The following SLIT2 variants were observed in gnomAD, a reference collection of about 807,000 sequenced individuals.
The protein encoded by SLIT2 is slit homolog 2 protein.
A neutral mutation model predicts 185.7 loss-of-function variants in SLIT2; 41 were observed. That is an observed-to-expected ratio of 0.22 (90% CI 0.17 to 0.29). The LOEUF is 0.29. Among genes scored for constraint, SLIT2 ranks in the 10% least tolerant of loss-of-function variants. The pLI, the probability that SLIT2 is intolerant of heterozygous loss-of-function variation, is 1.00. For synonymous variants in SLIT2, 693 were observed against 680.2 expected (o/e 1.02, Z -0.29); for missense variants, 1,571 against 1,909.0 (o/e 0.82, Z 3.30).
rs529350229 is a variant in SLIT2, at chr4:20,348,005, C to T, written c.395+79124C>T. 2.0e-5 allele frequency among the ~76,000 whole-genome samples: 3 copies of T among 152,302 alleles called. No homozygotes were observed. The South Asian group carries it at 6.2e-4, about 32-fold the overall frequency. On this transcript the variant is annotated intron_variant, in intron 4 of 36. Coordinates refer to ENST00000504154, the MANE Select transcript of SLIT2 (RefSeq NM_004787.4). ...AACACTAGTACTGTTACAATTTAAA[C>T]ATTGAATAAAAGTCTGGATGCTGTT...
chr4:20,283,149 C>A (rs1488161098), intron 4 of SLIT2, among the ~76,000 whole-genome samples: 3 of 151,574 alleles, frequency 2.0e-5, no homozygotes, highest in African/African-American at 7.3e-5. Flanking sequence ...CACACAAAGT[C>A]ATTCAACTAC....
chr4:20,542,510 T>A lies in SLIT2; in HGVS notation c.2160T>A (p.Ser720Arg). 1 of 1,613,696 alleles carries A rather than the reference T, an allele frequency of 6.2e-7. No homozygotes were observed. Among genetic ancestry groups the A allele is most frequent in the Non-Finnish European group, 8.5e-7 (1 of 1,179,724 alleles). The change falls in exon 21 of 37, where the codon AGT becomes AGA. Residue 720 changes from serine (S) to arginine (R), a missense_variant. By Grantham distance (110) the Ser-to-Arg change is moderately radical (BLOSUM62 -1). Transcript: ENST00000504154. ...FTCDDGNDDN[S>R]CSPLSRCPTE... The stretch of plus-strand genomic sequence containing the variant: ...GCGATTTAGGAAATGATGACAATAG[T>A]TGCTCCCCACTTTCTCGCTGTCCTA...
chr4:20,268,149 C>T (rs1186985290), intron 3 of SLIT2, among the ~76,000 whole-genome samples: 1 of 151,850 alleles, frequency 6.6e-6, no homozygotes. Context: ...TTTTCTAAAA[C>T]ATTTAAAACA....
chr4:20,302,100 T>A (rs777859532), intron 4 of SLIT2, among the ~76,000 whole-genome samples: 16 of 152,214 alleles, frequency 1.1e-4, no homozygotes, highest in Non-Finnish European at 1.8e-4. Context: ...GAAACGAAGA[T>A]TAATTTTTTT....
intron 6 of SLIT2, 118 bp downstream of exon 6, chr4:20,480,905 C>A: frequency 1.4e-6 from 1 of 733,646 alleles, no homozygotes; most frequent in Non-Finnish European, 2.4e-6. Context: ...TCAAGAGATA[C>A]CTTAAATAAC....
chr4:20,392,329 G>T (rs1216460923), intron 4 of SLIT2: 3 of 152,098 alleles, frequency 2.0e-5, no homozygotes, highest in South Asian at 2.1e-4. Flanking sequence ...TGGTGTAAAA[G>T]ATTTTTTTAA....
intron 4 of SLIT2, among the ~76,000 whole-genome samples, chr4:20,431,230 A>G (rs1176992966): frequency 6.6e-6 from 1 of 152,164 alleles, no homozygotes; most frequent in Non-Finnish European, 1.5e-5. Context: ...TGCAATAAGG[A>G]GACACTTTTA....
chr4:20,337,339 A>G (rs1030596645), intron 4 of SLIT2, among the ~76,000 whole-genome samples: 6 of 151,990 alleles, frequency 3.9e-5, no homozygotes, highest in Non-Finnish European at 5.9e-5. Flanking sequence ...AAGCCATCAG[A>G]TGTCATGAGA....
Position 20,598,333 on chromosome 4 carries a change from C to T in SLIT2, c.3630C>T (p.Leu1210=). The change falls in exon 33 of 37, where the codon CTC becomes CTT. Residue 1210 remains leucine (L), a synonymous_variant. Transcript: ENST00000504154. The part of the protein sequence containing the change: ...KGDKDHIAVE[L]YRGRVRASYD... ...ACAAAGACCATATCGCGGTAGAACT[C>T]TATCGGGGGCGTGTTCGTGCCAGCT... 2 of 1,614,090 alleles carry T rather than the reference C, an allele frequency of 1.2e-6. No individual in the cohort carries two copies. Among genetic ancestry groups the T allele is most frequent in the Non-Finnish European group, 1.7e-6 (2 of 1,179,978 alleles).
At chr4:20,298,808 G>A (rs1337807308) in intron 4 of SLIT2, among the ~76,000 whole-genome samples, 1 of 152,150 alleles carries the variant, frequency 6.6e-6, no homozygotes, top group Non-Finnish European at 1.5e-5. Context: ...CCTTCACAAT[G>A]TCTTATTTCA....
At position 20,620,433 on chromosome 4, in the gene SLIT2, C is replaced by G. The variant is rs1197752889; in HGVS notation, c.*1424C>G. On this transcript the variant is annotated 3_prime_UTR_variant, in exon 37 of 37. Transcript: ENST00000504154. ...CCCTGTAAAGATGCAGATGTTTCTT[C>G]CTGAAAACTTCTTTTTTTACAAAGA... The G allele has an allele frequency of 4.4e-6, 2 of 455,302 alleles. No homozygotes were observed. Among genetic ancestry groups the G allele is most frequent in the Admixed American group, 4.7e-5 (2 of 42,320 alleles). 28.2% of individuals were successfully genotyped at this position (455,302 alleles called of 1,614,324 possible). A position where few individuals can be genotyped will look rare whatever the true frequency, so the allele number is the denominator to read the frequency against.
At chr4:20,469,751 C>CTTTTTTTTTT (rs33912349) in intron 5 of SLIT2, among the ~76,000 whole-genome samples, 3 of 90,764 alleles carry the variant, frequency 3.3e-5, no homozygotes, top group African/African-American at 4.3e-5. Flanking sequence ...TTAGTTTTTA[C>CTTTTTTTTTT]TTTTTTTTTT....
At chr4:20,479,365 G>A (rs1416070843) in intron 5 of SLIT2, among the ~76,000 whole-genome samples, 1 of 152,096 alleles carries the variant, frequency 6.6e-6, no homozygotes, top group Non-Finnish European at 1.5e-5. Context: ...TGTTCAAACG[G>A]TTCTTTATGA....
At chr4:20,337,966 A>G (rs1206715741) in intron 4 of SLIT2, among the ~76,000 whole-genome samples, 1 of 152,210 alleles carries the variant, frequency 6.6e-6, no homozygotes, top group Non-Finnish European at 1.5e-5. Context: ...CAATTGCTTG[A>G]AAGCTGCTTT....
chr4:20,299,823 A>G (rs552709482), intron 4 of SLIT2, among the ~76,000 whole-genome samples: 1 of 151,974 alleles, frequency 6.6e-6, no homozygotes, highest in East Asian at 1.9e-4. Flanking sequence ...GGCTGTCCAT[A>G]GGGCTCCGTA....
chr4:20,324,193 A>T (rs1719345506), intron 4 of SLIT2, among the ~76,000 whole-genome samples: 1 of 152,250 alleles, frequency 6.6e-6, no homozygotes, highest in East Asian at 1.9e-4. Flanking sequence ...GATCCTTGCG[A>T]TAGAGTCTTT....
chr4:20,366,105 A>G (rs929311548), intron 4 of SLIT2, among the ~76,000 whole-genome samples: 15 of 152,136 alleles, frequency 9.9e-5, no homozygotes, highest in Admixed American at 5.2e-4. Context: ...TGATATGCTC[A>G]GTGTTAACTC....
intron 26 of SLIT2, among the ~76,000 whole-genome samples, chr4:20,556,923 T>C (rs558689291): frequency 1.4e-4 from 21 of 152,144 alleles, no homozygotes; most frequent in African/African-American, 4.6e-4. Flanking sequence ...ATTGCTGATA[T>C]GGAGAAAGTG....
chr4:20,437,466 T>G (rs182393004), intron 4 of SLIT2, among the ~76,000 whole-genome samples: 56 of 152,012 alleles, frequency 3.7e-4, no homozygotes, highest in African/African-American at 1.3e-3. Context: ...AAATTAAAAA[T>G]TATCTGTGTG....
Sources: gnomAD v4.1 joint callset for allele counts (sites outside exome capture counted in the v4.1 genomes callset) on GRCh38, gnomAD v4.1.1 for gene constraint, MANE v1.5 for transcripts, NCBI Gene and HGNC (gene_info 2026-07-23, HGNC 2026-07-21) for gene names.